LARGE1: variants seen among roughly 807,000 people sequenced by gnomAD.
LARGE1 encodes xylosyl- and glucuronyltransferase LARGE1.
A neutral mutation model predicts 87.6 loss-of-function variants in LARGE1; 43 were observed. The ratio of observed to expected loss-of-function variants is 0.49; its 90% CI spans 0.38 to 0.63. The LOEUF is 0.63. Ranked by LOEUF, LARGE1 falls within the 30% of genes least tolerant of loss-of-function variation. The pLI, the probability that LARGE1 is intolerant of heterozygous loss-of-function variation, is 0.00. For synonymous variants in LARGE1, 434 were observed against 394.6 expected (o/e 1.10, Z -1.18); for missense variants, 802 against 1,000.2 (o/e 0.80, Z 2.67).
At chr22:33,738,525 G>A (rs1384080084) in intron 2 of LARGE1, among the ~76,000 whole-genome samples, 3 of 152,192 alleles carry the variant, frequency 2.0e-5, no homozygotes, top group African/African-American at 4.8e-5. Context: ...TTCCAAAGGA[G>A]CACGAAGCAT....
Position 33,169,193 on chromosome 22 carries a change from C to A in LARGE1, c.1731-2361G>T, listed in dbSNP as rs191970236. 3.7e-4 allele frequency among the ~76,000 whole-genome samples: 56 copies of A among 152,300 alleles called. No individual in the cohort carries two copies. The East Asian group carries it at 9.8e-3, about 27-fold the overall frequency. On this transcript the variant is annotated intron_variant, in intron 11 of 11. Coordinates refer to the LARGE1 transcript ENST00000608642. ...AAGATTTTAAAAATCTGTCCTGTTA[C>A]AAAGTCATATGTAATTGATGATATA...
chr22:33,820,478 T>C (rs1229432668), intron 1 of LARGE1, among the ~76,000 whole-genome samples: 3 of 151,880 alleles, frequency 2.0e-5, no homozygotes, highest in East Asian at 3.9e-4. Flanking sequence ...CATGCCACCA[T>C]GCCCGGCTAA....
intron 1 of LARGE1, among the ~76,000 whole-genome samples, chr22:33,831,779 C>CACACACAT (rs1555881577): frequency 4.2e-5 from 6 of 143,714 alleles, no homozygotes; most frequent in African/African-American, 1.0e-4. Context: ...CACACACACA[C>CACACACAT]ACACATACAC....
intron 1 of LARGE1, among the ~76,000 whole-genome samples, chr22:33,836,054 G>T (rs1290568297): frequency 6.6e-6 from 1 of 152,166 alleles, no homozygotes; most frequent in African/African-American, 2.4e-5. Flanking sequence ...GCACTTCTGG[G>T]GAAGAGGCCA....
At chr22:33,278,957 A>G (rs1929902191) in intron 13 of LARGE1, among the ~76,000 whole-genome samples, 2 of 152,096 alleles carry the variant, frequency 1.3e-5, no homozygotes, top group South Asian at 4.1e-4. Flanking sequence ...TGACCTCATG[A>G]TCCGCCCGTC....
intron 7 of LARGE1, among the ~76,000 whole-genome samples, chr22:33,413,215 T>C (rs530245322): frequency 2.6e-5 from 4 of 152,202 alleles, no homozygotes; most frequent in Non-Finnish European, 5.9e-5. Flanking sequence ...TAACTGGCAA[T>C]GTCTATAGTG....
At position 33,540,629 on chromosome 22, in the gene LARGE1, G is replaced by A. The variant is rs115939307; in HGVS notation, c.787+24219C>T. The stretch of plus-strand genomic sequence containing the variant: ...GCAGATCCTGGGATAGCAACCTTAG[G>A]GCAGTGAATCTCAACCCTGGCCACA... On this transcript the variant is annotated intron_variant, in intron 6 of 14. Coordinates refer to ENST00000397394, the MANE Select transcript of LARGE1 (RefSeq NM_133642.5). 5.1e-3 allele frequency among the ~76,000 whole-genome samples: 769 copies of A among 152,204 alleles called. 3 individuals carry two copies. The highest frequency in any genetic ancestry group is 0.017 in the African/African-American group (719 of 41,540).
intron 11 of LARGE1, among the ~76,000 whole-genome samples, chr22:33,263,079 A>C (rs1358767298): frequency 6.6e-6 from 1 of 152,026 alleles, no homozygotes; most frequent in Non-Finnish European, 1.5e-5. Context: ...TTTTTAGTCG[A>C]GACGAGGTTT....
chr22:33,589,717 C>T (rs951915611), intron 5 of LARGE1, among the ~76,000 whole-genome samples: 1 of 152,140 alleles, frequency 6.6e-6, no homozygotes, highest in African/African-American at 2.4e-5. Flanking sequence ...ATTAAAATAT[C>T]TCCAGTGACA....
chr22:33,624,020 A>C (rs953830780), intron 4 of LARGE1, among the ~76,000 whole-genome samples: 2 of 152,162 alleles, frequency 1.3e-5, no homozygotes, highest in Non-Finnish European at 2.9e-5. Context: ...ACAAGAGCAA[A>C]ACTCCATCTC....
chr22:33,178,493 A>T (rs919196175), intron 11 of LARGE1, among the ~76,000 whole-genome samples: 1 of 152,234 alleles, frequency 6.6e-6, no homozygotes, highest in Non-Finnish European at 1.5e-5. Flanking sequence ...AGGTTCAGGG[A>T]CTGCTGTCTT....
intron 1 of LARGE1, among the ~76,000 whole-genome samples, chr22:33,886,370 T>G (rs1180631959): frequency 1.3e-5 from 2 of 152,158 alleles, no homozygotes; most frequent in Non-Finnish European, 2.9e-5. Flanking sequence ...CTGTTTTTAT[T>G]CCTATGTTAT....
chr22:33,468,904 T>C (rs939192143), intron 6 of LARGE1, among the ~76,000 whole-genome samples: 3 of 152,186 alleles, frequency 2.0e-5, no homozygotes, highest in African/African-American at 4.8e-5. Context: ...TTACACCTTT[T>C]CACCAACTTA....
chr22:33,792,269 G>C (rs2085848395), intron 1 of LARGE1, among the ~76,000 whole-genome samples: 1 of 152,158 alleles, frequency 6.6e-6, no homozygotes, highest in Non-Finnish European at 1.5e-5. Context: ...ACAAGGGGTG[G>C]TTACCCCCAT....
rs112191594 is a variant in LARGE1 at position 33,441,122 on chromosome 22, T to C, written c.788-8857A>G. On this transcript the variant is annotated intron_variant, in intron 6 of 14. Transcript: ENST00000397394. ...GGAGTTTTGCTCTTGTCTCTGAGGC[T>C]GGAGTGCAATGGTACAATCTTGGCT... Among the ~76,000 whole-genome samples the C allele has an allele frequency of 2.0e-3, 288 of 143,234 alleles. 2 individuals are homozygous for C. Among genetic ancestry groups the C allele is most frequent in the Middle Eastern group, 0.015 (4 of 272 alleles). The allele number at this position is 143,234 out of a possible 152,430, so 94.0% of individuals were successfully genotyped here. A position where few individuals can be genotyped will look rare whatever the true frequency, so the allele number is the denominator to read the frequency against.
the LARGE1 span, among the ~76,000 whole-genome samples, chr22:33,135,113 G>C: frequency 1.3e-5 from 2 of 152,204 alleles, no homozygotes; most frequent in Non-Finnish European, 2.9e-5. Flanking sequence ...TGAGCACATG[G>C]GTGTAGTAGA....
intron 9 of LARGE1, among the ~76,000 whole-genome samples, chr22:33,340,180 A>G (rs1938988111): frequency 6.6e-6 from 1 of 151,794 alleles, no homozygotes. Flanking sequence ...GGGGAAGTAG[A>G]GGCACAGAAA....
At chr22:33,128,396 C>T in the LARGE1 span, among the ~76,000 whole-genome samples, 2 of 152,282 alleles carry the variant, frequency 1.3e-5, no homozygotes, top group East Asian at 3.9e-4. Flanking sequence ...TGTGGTAGGC[C>T]AGATGCAGTG....
intron 2 of LARGE1, among the ~76,000 whole-genome samples, chr22:33,700,151 T>C (rs547458022): frequency 6.6e-6 from 1 of 152,270 alleles, no homozygotes; most frequent in African/African-American, 2.4e-5. Context: ...CTCAAAGGGT[T>C]GTCCTGGGAA....
Sources: gnomAD v4.1 joint callset for allele counts (sites outside exome capture counted in the v4.1 genomes callset) on GRCh38, gnomAD v4.1.1 for gene constraint, MANE v1.5 for transcripts, NCBI Gene and HGNC (gene_info 2026-07-23, HGNC 2026-07-21) for gene names.